ANK2: variants seen among roughly 807,000 people sequenced by gnomAD.
ANK2 encodes ankyrin 2, also known as ankyrin-2.
A neutral mutation model predicts 360.5 loss-of-function variants in ANK2; 83 were observed. The observed-to-expected ratio is 0.23, with a 90% CI of 0.19 to 0.28. ANK2 has a LOEUF of 0.28. ANK2 is among the 10% of genes least tolerant of loss of function. The pLI is 1.00. For synonymous variants in ANK2, 1,740 were observed against 1,759.5 expected (o/e 0.99, Z 0.28); for missense variants, 4,201 against 4,795.7 (o/e 0.88, Z 3.66).
chr4:112,969,324 C>G (rs1475064493), intron 2 of ANK2, among the ~76,000 whole-genome samples: 1 of 152,180 alleles, frequency 6.6e-6, no homozygotes, highest in Admixed American at 6.5e-5. Context: ...GAGGAAGAGT[C>G]TGCCATTTGC....
At chr4:112,748,922 G>A in the ANK2 span, among the ~76,000 whole-genome samples, 1 of 152,136 alleles carries the variant, frequency 6.6e-6, no homozygotes, top group Non-Finnish European at 1.5e-5. Context: ...TTTTGTAGAT[G>A]GAGTTTCGCT....
Position 113,050,315 on chromosome 4 carries a change from A to T in ANK2, c.84+503A>T, listed in dbSNP as rs529887314. ...AGACTGCTGTGACAGGAGAAATATC[A>T]TCCCCAGCATGATATTTCTTTGGCT... On this transcript the variant is annotated intron_variant, in intron 1 of 45. Coordinates refer to ENST00000357077, the MANE Select transcript of ANK2 (RefSeq NM_001148.6). Among the ~76,000 whole-genome samples the T allele has an allele frequency of 2.0e-5, 3 of 152,308 alleles. No individual in the cohort carries two copies. In the South Asian group the frequency reaches 6.2e-4, roughly 32 times the overall value.
intron 1 of ANK2, among the ~76,000 whole-genome samples, chr4:113,104,735 AC>A (rs2093404934): frequency 1.3e-5 from 2 of 151,960 alleles, no homozygotes; most frequent in Admixed American, 1.3e-4. Flanking sequence ...AACAACAACA[AC>A]AACAATAACA....
chr4:113,220,097 T>C lies in ANK2; in HGVS notation c.385-12064T>C, dbSNP rs561268945. 2.0e-5 allele frequency among the ~76,000 whole-genome samples: 3 copies of C among 152,344 alleles called. 1 individual carries two copies. The South Asian group carries it at 6.2e-4, about 32-fold the overall frequency. On this transcript the variant is annotated intron_variant, in intron 4 of 45. Transcript: ENST00000357077. The stretch of plus-strand genomic sequence containing the variant: ...GTGCCAGTTTATCCTCACCTGGCTT[T>C]CCTTGTGGTCCTAGGATCGGAACCA...
At chr4:113,151,142 A>G in intron 1 of ANK2, 2 of 1,287,666 alleles carry the variant, frequency 1.6e-6, no homozygotes, top group Non-Finnish European at 2.0e-6. Context: ...AAGCAAAAAA[A>G]CACTTCTAAA....
intron 9 of ANK2, 27 bp downstream of exon 9, chr4:113,242,236 C>T: frequency 6.3e-7 from 1 of 1,588,078 alleles, no homozygotes; most frequent in East Asian, 2.2e-5. Context: ...TTTCAATTTT[C>T]TACCATTATT....
At chr4:112,771,833 C>T in the ANK2 span, among the ~76,000 whole-genome samples, 1 of 152,100 alleles carries the variant, frequency 6.6e-6, no homozygotes, top group Non-Finnish European at 1.5e-5. Context: ...GATCCACCCG[C>T]CTTGGCCTCC....
chr4:113,223,811 T>C (rs1447940844), intron 4 of ANK2, among the ~76,000 whole-genome samples: 2 of 152,174 alleles, frequency 1.3e-5, no homozygotes, highest in Non-Finnish European at 2.9e-5. Flanking sequence ...TCACAGTCAC[T>C]GTGGAGTGGT....
the ANK2 span, among the ~76,000 whole-genome samples, chr4:112,728,523 G>A: frequency 6.6e-6 from 1 of 151,948 alleles, no homozygotes; most frequent in Admixed American, 6.6e-5. Flanking sequence ...AGCTAAGGTA[G>A]GATGATCGCT....
At chr4:113,376,801 GGT>G (rs2096954060) in intron 45 of ANK2, among the ~76,000 whole-genome samples, 2 of 68,096 alleles carry the variant, frequency 2.9e-5, no homozygotes, top group African/African-American at 8.5e-5. Context: ...TACTTTTTAA[GGT>G]TTTTTTTTTT....
intron 19 of ANK2, 102 bp from the exon 20 acceptor site, chr4:113,288,283 TATA>T: frequency 1.0e-6 from 1 of 957,016 alleles, no homozygotes; most frequent in Non-Finnish European, 1.6e-6. Flanking sequence ...AATGGAATCC[TATA>T]ATAACTGATA....
intron 18 of ANK2, among the ~76,000 whole-genome samples, chr4:113,283,247 T>C (rs1020642658): frequency 1.3e-5 from 2 of 152,170 alleles, no homozygotes; most frequent in African/African-American, 4.8e-5. Context: ...TTCATATGTA[T>C]AGAGAGAGAA....
chr4:113,377,817 T>C (rs910310395), intron 45 of ANK2, among the ~76,000 whole-genome samples: 5 of 152,260 alleles, frequency 3.3e-5, no homozygotes, highest in Admixed American at 3.3e-4. Flanking sequence ...TAGAAAGCAG[T>C]TGGGTGAAGC....
At chr4:112,916,558 A>G (rs947535060) in intron 2 of ANK2, among the ~76,000 whole-genome samples, 3 of 152,222 alleles carry the variant, frequency 2.0e-5, no homozygotes, top group Admixed American at 1.3e-4. Context: ...TAGTCTGTAT[A>G]TTTGGTAGCA....
intron 1 of ANK2, among the ~76,000 whole-genome samples, chr4:113,088,824 T>C (rs996961108): frequency 3.9e-5 from 6 of 152,204 alleles, no homozygotes; most frequent in Non-Finnish European, 1.5e-5. Context: ...GACAGGTCTG[T>C]GAATTGGATC....
intron 1 of ANK2, among the ~76,000 whole-genome samples, chr4:113,117,742 A>G (rs1381653106): frequency 6.6e-6 from 1 of 152,124 alleles, no homozygotes; most frequent in Non-Finnish European, 1.5e-5. Flanking sequence ...CAGAAGAAGG[A>G]AGGGGTTGAT....
At chr4:113,082,516 AT>A (rs1204303090) in intron 1 of ANK2, among the ~76,000 whole-genome samples, 3 of 152,216 alleles carry the variant, frequency 2.0e-5, no homozygotes, top group African/African-American at 7.2e-5. Context: ...TTATTTAATA[AT>A]TAGTTTTATA....
At chr4:112,860,637 C>T (rs536770812) in intron 1 of ANK2, among the ~76,000 whole-genome samples, 2 of 152,144 alleles carry the variant, frequency 1.3e-5, no homozygotes, top group Admixed American at 6.5e-5. Flanking sequence ...CTTGTATCAC[C>T]GTCTTATTTT....
intron 7 of ANK2, among the ~76,000 whole-genome samples, chr4:113,237,941 T>G (rs1180317030): frequency 6.6e-6 from 1 of 152,218 alleles, no homozygotes; most frequent in Non-Finnish European, 1.5e-5. Flanking sequence ...TTTTATTTCC[T>G]TAATGAGAAT....
Sources: gnomAD v4.1 joint callset for allele counts (sites outside exome capture counted in the v4.1 genomes callset) on GRCh38, gnomAD v4.1.1 for gene constraint, MANE v1.5 for transcripts, NCBI Gene and HGNC (gene_info 2026-07-23, HGNC 2026-07-21) for gene names.